Variants in CBFA2T3 observed in about 807,000 individuals in gnomAD.
The protein encoded by CBFA2T3 is transcriptional corepressor CBFA2T3.
Under a neutral mutation model 58.6 loss-of-function variants are expected in CBFA2T3, and 31 were observed. The ratio of observed to expected loss-of-function variants is 0.53; its 90% CI spans 0.40 to 0.71. CBFA2T3 has a LOEUF of 0.71. Among genes scored for constraint, CBFA2T3 ranks in the 30% least tolerant of loss-of-function variants. CBFA2T3 has a pLI of 0.00. For synonymous variants in CBFA2T3, 531 were observed against 421.9 expected (o/e 1.26, Z -3.17); for missense variants, 1,076 against 963.1 (o/e 1.12, Z -1.55).
chr16:88,881,388 C>G lies in CBFA2T3; in HGVS notation c.1305G>C (p.Ala435=). 1 of 1,600,184 alleles carries G rather than the reference C, an allele frequency of 6.2e-7. No homozygotes were observed. The highest frequency in any genetic ancestry group is 8.5e-7 in the Non-Finnish European group (1 of 1,175,004). The change falls in exon 9 of 12, where the codon GCG becomes GCC. Residue 435 remains alanine, a synonymous_variant. Coordinates refer to ENST00000268679, the MANE Select transcript of CBFA2T3 (RefSeq NM_005187.6). ...TGTCCTCGGCGTCGCTGTAGCGCCG[C>G]GCCCAGTGGTTGAGCTCCTCGCGGT... The part of the protein sequence containing the change: ...EADREELNHW[A]RRYSDAEDTK...
At chr16:88,928,185 A>T (rs1180516651) in intron 1 of CBFA2T3, among the ~76,000 whole-genome samples, 1 of 152,168 alleles carries the variant, frequency 6.6e-6, no homozygotes, top group African/African-American at 2.4e-5. Flanking sequence ...GGGTTGCCTC[A>T]CGCCTCTGAG....
chr16:88,971,615 G>A (rs1019732859), intron 1 of CBFA2T3, among the ~76,000 whole-genome samples: 2 of 152,226 alleles, frequency 1.3e-5, no homozygotes, highest in African/African-American at 2.4e-5. Context: ...CTTCATTGGC[G>A]CCTGCTGCAG....
chr16:88,888,079 C>T (rs577710410), intron 5 of CBFA2T3, among the ~76,000 whole-genome samples: 4 of 152,066 alleles, frequency 2.6e-5, no homozygotes, highest in East Asian at 1.9e-4. Flanking sequence ...AGACAGACTC[C>T]GGGGAGCTCC....
intron 2 of CBFA2T3, among the ~76,000 whole-genome samples, chr16:88,900,159 G>A (rs974122211): frequency 2.0e-5 from 3 of 152,242 alleles, no homozygotes; most frequent in Admixed American, 1.3e-4. Flanking sequence ...AGGCAGGGCC[G>A]GCCCCGCGGG....
intron 1 of CBFA2T3, among the ~76,000 whole-genome samples, chr16:88,966,933 TCA>T (rs1482484035): frequency 2.6e-5 from 4 of 152,200 alleles, no homozygotes; most frequent in Non-Finnish European, 5.9e-5. Flanking sequence ...GAACTTCGTA[TCA>T]CACTCTAGTC....
chr16:88,890,629 C>T (rs1238195118), intron 5 of CBFA2T3, among the ~76,000 whole-genome samples: 2 of 152,260 alleles, frequency 1.3e-5, no homozygotes, highest in African/African-American at 4.8e-5. Flanking sequence ...AGATGGCAGT[C>T]TGACTCCACG....
intron 8 of CBFA2T3, among the ~76,000 whole-genome samples, chr16:88,881,777 G>A (rs1412124792): frequency 6.6e-6 from 1 of 152,248 alleles, no homozygotes; most frequent in Non-Finnish European, 1.5e-5. Flanking sequence ...TCTGCCTCAG[G>A]GACCTGGCTT....
intron 1 of CBFA2T3, among the ~76,000 whole-genome samples, chr16:88,920,369 C>G (rs1411072314): frequency 1.3e-5 from 2 of 152,128 alleles, no homozygotes; most frequent in Admixed American, 6.5e-5. Flanking sequence ...CTCTGCCTCT[C>G]AGGTTCAAGT....
intron 1 of CBFA2T3, among the ~76,000 whole-genome samples, chr16:88,965,994 G>A (rs1374426292): frequency 2.6e-5 from 4 of 152,166 alleles, no homozygotes; most frequent in African/African-American, 4.8e-5. Context: ...GGGCCCATTC[G>A]GCAGCAGGAA....
At chr16:88,932,487 T>TA (rs992215378) in intron 1 of CBFA2T3, among the ~76,000 whole-genome samples, 4 of 149,194 alleles carry the variant, frequency 2.7e-5, no homozygotes, top group Admixed American at 6.7e-5. Flanking sequence ...AATTAAAAAT[T>TA]AAAAAAACAA....
intron 3 of CBFA2T3, among the ~76,000 whole-genome samples, chr16:88,896,602 C>T (rs911546806): frequency 3.9e-5 from 6 of 152,272 alleles, no homozygotes; most frequent in African/African-American, 1.2e-4. Flanking sequence ...ACACACACCC[C>T]GTCAAGACTG....
chr16:88,882,117 G>A (rs765448327), intron 8 of CBFA2T3, among the ~76,000 whole-genome samples: 10 of 152,350 alleles, frequency 6.6e-5, no homozygotes, highest in East Asian at 1.9e-4. Context: ...CCTGGGCTGC[G>A]CTGACAGCTG....
At chr16:88,910,243 T>C (rs141828351) in intron 1 of CBFA2T3, among the ~76,000 whole-genome samples, 18 of 152,346 alleles carry the variant, frequency 1.2e-4, no homozygotes, top group Non-Finnish European at 2.2e-4. Context: ...ACACCTTTGC[T>C]GCAGGCTGCC....
In CBFA2T3 at chr16:88,931,520, A is replaced by G. The variant is rs150502638; in HGVS notation, c.152-29864T>C. Among the ~76,000 whole-genome samples the G allele has an allele frequency of 2.0e-4, 31 of 152,074 alleles. 1 individual carries two copies. Among genetic ancestry groups the G allele is most frequent in the Non-Finnish European group, 3.7e-4 (25 of 67,966 alleles). On this transcript the variant is annotated intron_variant, in intron 1 of 11. Coordinates refer to ENST00000268679, the MANE Select transcript of CBFA2T3 (RefSeq NM_005187.6). ...TGCCAAGGACGAGCCAGAGGTGGAG[A>G]AGGGCCGTGGGCCGGCCCCGTGGAC...
At position 88,905,040 on chromosome 16, in the gene CBFA2T3, G is replaced by C. The variant is rs557914045; in HGVS notation, c.152-3384C>G. Among the ~76,000 whole-genome samples, 26 of 152,258 alleles carry C rather than the reference G, an allele frequency of 1.7e-4. 1 individual carries two copies. The South Asian group carries it at 2.9e-3, about 17-fold the overall frequency. On this transcript the variant is annotated intron_variant, in intron 1 of 11. Coordinates refer to ENST00000268679, the MANE Select transcript of CBFA2T3 (RefSeq NM_005187.6). ...GACAAGGACCCTCAGAGAAGATGAG[G>C]GGTGAGTGTGGAAAGGTAGAGGAAC...
intron 1 of CBFA2T3, among the ~76,000 whole-genome samples, chr16:88,904,567 C>G (rs892176145): frequency 6.6e-6 from 1 of 152,234 alleles, no homozygotes; most frequent in African/African-American, 2.4e-5. Context: ...GTCTGGGATT[C>G]AAACCTGAGG....
chr16:88,903,429 G>T (rs542235002), intron 1 of CBFA2T3, among the ~76,000 whole-genome samples: 1 of 152,256 alleles, frequency 6.6e-6, no homozygotes, highest in African/African-American at 2.4e-5. Flanking sequence ...AACAGCCACA[G>T]GCCTCGCGGC....
intron 1 of CBFA2T3, among the ~76,000 whole-genome samples, chr16:88,935,832 C>T (rs1881319325): frequency 6.6e-6 from 1 of 152,224 alleles, no homozygotes; most frequent in African/African-American, 2.4e-5. Context: ...CATCCCAGCT[C>T]ATCACAGCCC....
intron 1 of CBFA2T3, among the ~76,000 whole-genome samples, chr16:88,918,628 C>T (rs1355989776): frequency 6.6e-6 from 1 of 152,268 alleles, no homozygotes; most frequent in Non-Finnish European, 1.5e-5. Context: ...GCTGGGTGGC[C>T]TCCAATGCCT....
Sources: allele counts gnomAD v4.1 joint callset (sites outside exome capture counted in the v4.1 genomes callset), GRCh38; gene constraint gnomAD v4.1.1; transcripts MANE v1.5; gene names NCBI Gene and HGNC (gene_info 2026-07-23, HGNC 2026-07-21).